Variants in PREX1 observed in about 807,000 individuals in gnomAD.
PREX1 encodes phosphatidylinositol 3,4,5-trisphosphate-dependent Rac exchanger 1 protein.
PREX1 carries 41 observed loss-of-function variants against 198.3 expected under a neutral mutation model. That is an observed-to-expected ratio of 0.21 (90% CI 0.16 to 0.27). The LOEUF (loss-of-function observed/expected upper bound fraction) is 0.27. Among genes scored for constraint, PREX1 ranks in the 10% least tolerant of loss-of-function variants. The pLI is 1.00. For synonymous variants in PREX1, 843 were observed against 887.2 expected (o/e 0.95, Z 0.89); for missense variants, 1,620 against 2,200.7 (o/e 0.74, Z 5.28).
intron 2 of PREX1, among the ~76,000 whole-genome samples, chr20:48,745,358 G>T (rs770733653): frequency 6.6e-6 from 1 of 152,158 alleles, no homozygotes; most frequent in African/African-American, 2.4e-5. Flanking sequence ...GTGACTAATC[G>T]TGTGTTAAGA....
At chr20:48,641,437 T>G (rs759979981) in intron 29 of PREX1, among the ~76,000 whole-genome samples, 8 of 151,938 alleles carry the variant, frequency 5.3e-5, no homozygotes, top group Admixed American at 2.0e-4. Context: ...TTTTTAAGAG[T>G]GATACTTTTT....
rs960082556 is a variant in PREX1, at chr20:48,625,552, T to C, written c.*333A>G. Reference sequence around the variant, plus strand: ...ATCCCGAGGGAGCCGGGTGGCCCCATGTGGCCTCCATGACGTTCCCTTGGG... The same window carrying C: ...ATCCCGAGGGAGCCGGGTGGCCCCACGTGGCCTCCATGACGTTCCCTTGGG... On this transcript the variant is annotated 3_prime_UTR_variant, in exon 40 of 40. Transcript: ENST00000371941. 3 of 305,576 alleles carry C rather than the reference T, an allele frequency of 9.8e-6. No individual in the cohort carries two copies. The highest frequency in any genetic ancestry group is 1.2e-5 in the Non-Finnish European group (2 of 165,900). The allele number at this position is 305,576 out of a possible 1,614,324, so 18.9% of individuals were successfully genotyped here. A position where few individuals can be genotyped will look rare whatever the true frequency, so the allele number is the denominator to read the frequency against.
chr20:48,873,104 T>C, the PREX1 span, among the ~76,000 whole-genome samples: 2 of 152,188 alleles, frequency 1.3e-5, no homozygotes, highest in Non-Finnish European at 2.9e-5. Flanking sequence ...CCTCTGGCCA[T>C]TGGACTCAGC....
chr20:48,657,261 A>C, intron 17 of PREX1, 73 bp from the exon 18 acceptor site: 1,113 of 1,519,628 alleles, frequency 7.3e-4, no homozygotes, highest in Non-Finnish European at 9.1e-4. Context: ...AAGGAAGCTC[A>C]AATGTGTTCA....
At chr20:48,764,016 T>G (rs772292091) in intron 1 of PREX1, among the ~76,000 whole-genome samples, 1 of 152,338 alleles carries the variant, frequency 6.6e-6, no homozygotes, top group Non-Finnish European at 1.5e-5. Context: ...AGCTGGCCTC[T>G]GACCTCGGGG....
chr20:48,800,874 T>C (rs917543574), intron 1 of PREX1, among the ~76,000 whole-genome samples: 1 of 152,096 alleles, frequency 6.6e-6, no homozygotes, highest in African/African-American at 2.4e-5. Flanking sequence ...CAGGCTGGTC[T>C]TGAACTCTTA....
At chr20:48,730,458 G>A (rs1346499962) in intron 4 of PREX1, among the ~76,000 whole-genome samples, 1 of 150,958 alleles carries the variant, frequency 6.6e-6, no homozygotes, top group East Asian at 1.9e-4. Context: ...CGCACATCCT[G>A]AATGATGCCG....
At chr20:48,627,984 CA>C in intron 37 of PREX1, 21 bp from the exon 38 acceptor site, 6 of 1,254,832 alleles carry the variant, frequency 4.8e-6, no homozygotes, top group Non-Finnish European at 6.7e-6. Flanking sequence ...GGAGGGAGGA[CA>C]GCGGGTTGGC....
At chr20:48,791,039 GT>G (rs1449707726) in intron 1 of PREX1, among the ~76,000 whole-genome samples, 1 of 152,178 alleles carries the variant, frequency 6.6e-6, no homozygotes, top group East Asian at 1.9e-4. Context: ...ATGTGAGAGG[GT>G]GAGAGTGTGC....
chr20:48,638,410 G>T (rs1396341154), intron 30 of PREX1, among the ~76,000 whole-genome samples: 1 of 152,052 alleles, frequency 6.6e-6, no homozygotes, highest in East Asian at 1.9e-4. Context: ...CCCTACACAC[G>T]CCCTGTCCTG....
At chr20:48,628,054 T>C in intron 37 of PREX1, 91 bp from the exon 38 acceptor site, 1 of 889,334 alleles carries the variant, frequency 1.1e-6, no homozygotes, top group Non-Finnish European at 1.7e-6. Flanking sequence ...GGGTGAGAGC[T>C]GGGGCAACTT....
chr20:48,771,999 C>T (rs1183402408), intron 1 of PREX1, among the ~76,000 whole-genome samples: 1 of 152,010 alleles, frequency 6.6e-6, no homozygotes, highest in Non-Finnish European at 1.5e-5. Flanking sequence ...TTCGAGACCA[C>T]CCTGGCCAAC....
In PREX1 at chr20:48,625,199, C is replaced by T. The variant is rs1482312823; in HGVS notation, c.*686G>A. On this transcript the variant is annotated 3_prime_UTR_variant, in exon 40 of 40. Coordinates refer to ENST00000371941, the MANE Select transcript of PREX1 (RefSeq NM_020820.4). ...TTAGAAAAAACAAACTTTGACAACA[C>T]CAACAACAAAAAATCCCAAAATAAA... is the stretch of plus-strand genomic sequence containing the variant. The T allele has an allele frequency of 6.6e-6, 1 of 152,448 alleles. No individual in the cohort carries two copies. The highest frequency in any genetic ancestry group is 1.5e-5 in the Non-Finnish European group (1 of 68,010). 9.4% of individuals were successfully genotyped at this position (152,448 alleles called of 1,614,324 possible).
chr20:48,654,496 G>A (rs772328515), intron 19 of PREX1, among the ~76,000 whole-genome samples: 1 of 152,128 alleles, frequency 6.6e-6, no homozygotes, highest in Non-Finnish European at 1.5e-5. Context: ...CCCACTAACC[G>A]CCAGAAACAC....
the PREX1 span, among the ~76,000 whole-genome samples, chr20:48,884,057 C>G: frequency 6.6e-6 from 1 of 150,434 alleles, no homozygotes; most frequent in Admixed American, 6.7e-5. Context: ...GGAGAACGGC[C>G]GTGAACTCAG....
chr20:48,855,549 C>T, the PREX1 span, among the ~76,000 whole-genome samples: 1 of 152,162 alleles, frequency 6.6e-6, no homozygotes, highest in Non-Finnish European at 1.5e-5. Context: ...CCGAACAAGG[C>T]AGACAACATT....
intron 33 of PREX1, among the ~76,000 whole-genome samples, chr20:48,633,579 T>C (rs1456975978): frequency 6.6e-6 from 1 of 152,176 alleles, no homozygotes; most frequent in African/African-American, 2.4e-5. Flanking sequence ...GCCTCTGGAC[T>C]CCACCTCCAG....
chr20:48,852,717 T>C, the PREX1 span, among the ~76,000 whole-genome samples: 1 of 152,228 alleles, frequency 6.6e-6, no homozygotes, highest in Non-Finnish European at 1.5e-5. Context: ...TACAAGATGA[T>C]GCATTGTATC....
rs546503484 is a variant in PREX1, at chr20:48,802,733, A to T, written c.219+24909T>A. On this transcript the variant is annotated intron_variant, in intron 1 of 39. Transcript: ENST00000371941. Reference sequence around the variant, plus strand: ...TCCCCCATGCCTGGCACACAGTAGGACCTTAGTCAGTATCTGCTGACAGCA... The same window carrying T: ...TCCCCCATGCCTGGCACACAGTAGGTCCTTAGTCAGTATCTGCTGACAGCA... Among the ~76,000 whole-genome samples the T allele has an allele frequency of 2.6e-5, 4 of 152,306 alleles. No individual in the cohort carries two copies. In the South Asian group the frequency reaches 8.3e-4, roughly 32 times the overall value.
Sources: allele counts gnomAD v4.1 joint callset (sites outside exome capture counted in the v4.1 genomes callset), GRCh38; gene constraint gnomAD v4.1.1; transcripts MANE v1.5; gene names NCBI Gene and HGNC (gene_info 2026-07-23, HGNC 2026-07-21).